FANCB: variants seen among roughly 807,000 people sequenced by gnomAD.
The protein encoded by FANCB is Fanconi anemia group B protein.
A neutral mutation model predicts 38.9 loss-of-function variants in FANCB; 5 were observed. The ratio of observed to expected loss-of-function variants is 0.13; its 90% CI spans 0.07 to 0.27. FANCB has a LOEUF of 0.27. Ranked by LOEUF, FANCB falls within the 10% of genes least tolerant of loss-of-function variation. The pLI, the probability that FANCB is intolerant of heterozygous loss-of-function variation, is 1.00. For missense variants in FANCB, 573 were observed against 602.7 expected, an observed-to-expected ratio of 0.95 and a Z score of 0.52; for synonymous variants, 236 against 215.4, an observed-to-expected ratio of 1.10 and a Z score of -0.84.
chrX:14,855,124 G>A (rs2092418305), intron 5 of FANCB, among the ~76,000 whole-genome samples: 1 of 111,542 alleles, frequency 9.0e-6, no homozygotes, highest in African/African-American at 3.3e-5. Flanking sequence ...GTTGTGCAGT[G>A]TTATAAACAA....
chrX:14,791,543 C>T, the FANCB span, among the ~76,000 whole-genome samples: 1 of 112,041 alleles, frequency 8.9e-6, no homozygotes, highest in South Asian at 3.7e-4. Context: ...CAAACTAATA[C>T]AGACACTGCT....
chrX:14,748,714 T>C, the FANCB span, among the ~76,000 whole-genome samples: 10 of 111,078 alleles, frequency 9.0e-5, no homozygotes, highest in Non-Finnish European at 1.9e-4. Context: ...CCCATCACTT[T>C]AAATCAAGGC....
the FANCB span, among the ~76,000 whole-genome samples, chrX:14,740,572 C>T: frequency 8.9e-6 from 1 of 111,788 alleles, no homozygotes; most frequent in Non-Finnish European, 1.9e-5. Context: ...TTAGGCTTCA[C>T]AAGCCATACC....
the FANCB span, among the ~76,000 whole-genome samples, chrX:14,830,382 C>T: frequency 9.0e-6 from 1 of 111,055 alleles, no homozygotes; most frequent in Non-Finnish European, 1.9e-5. Flanking sequence ...GGTTGTGGAG[C>T]TTTCAATTTG....
Position 14,859,340 on chromosome X carries a change from A to G in FANCB, c.952-6T>C. ...TTTTCCCATTTAGCAGCAACCTAAA[A>G]GAAAGGGAGCATTATAGGAGGAGTA... is the stretch of plus-strand genomic sequence containing the variant. On this transcript the variant is annotated splice_polypyrimidine_tract_variant and splice_region_variant and intron_variant, in intron 3 of 9. Coordinates refer to ENST00000650831, the MANE Select transcript of FANCB (RefSeq NM_001018113.3). 8.5e-7 allele frequency: 1 copy of G among 1,170,235 alleles called. No homozygotes were observed. Among genetic ancestry groups the G allele is most frequent in the Non-Finnish European group, 1.2e-6 (1 of 858,435 alleles).
At chrX:14,803,919 C>G in the FANCB span, among the ~76,000 whole-genome samples, 1 of 111,579 alleles carries the variant, frequency 9.0e-6, no homozygotes, top group East Asian at 2.8e-4. Context: ...AAATGCAAAT[C>G]AAAACCACAA....
At chrX:14,823,726 T>C in the FANCB span, among the ~76,000 whole-genome samples, 3 of 112,087 alleles carry the variant, frequency 2.7e-5, no homozygotes, top group Non-Finnish European at 5.6e-5. Flanking sequence ...TAAGATATAG[T>C]TTGATAATTT....
the FANCB span, among the ~76,000 whole-genome samples, chrX:14,740,976 GCA>G: frequency 1.8e-5 from 2 of 108,700 alleles, no homozygotes; most frequent in African/African-American, 6.7e-5. Flanking sequence ...ACACACACAC[GCA>G]CACACACACA....
At chrX:14,739,257 G>A in the FANCB span, among the ~76,000 whole-genome samples, 1 of 111,545 alleles carries the variant, frequency 9.0e-6, no homozygotes, top group Non-Finnish European at 1.9e-5. Context: ...CATGTTTAAT[G>A]CCTATGACAG....
chrX:14,763,265 T>A, the FANCB span, among the ~76,000 whole-genome samples: 1 of 111,983 alleles, frequency 8.9e-6, no homozygotes, highest in Non-Finnish European at 1.9e-5. Flanking sequence ...TAGTCCCAAA[T>A]GGGAAACAAT....
chrX:14,842,759 TA>T (rs1415472453), downstream of FANCB, among the ~76,000 whole-genome samples: 2 of 112,139 alleles, frequency 1.8e-5, no homozygotes, highest in Non-Finnish European at 3.8e-5. Flanking sequence ...TCAGATAGCT[TA>T]AAAGCGTTTT....
downstream of FANCB, chrX:14,834,814 A>G (rs2952100): frequency 0.43 from 236,022 of 552,659 alleles, 35,082 homozygotes; most frequent in East Asian, 0.83. Flanking sequence ...TCATCATCAA[A>G]ATCATCATCA....
chrX:14,812,342 C>G, the FANCB span, among the ~76,000 whole-genome samples: 1 of 109,109 alleles, frequency 9.2e-6, no homozygotes. Flanking sequence ...AATAGAGACA[C>G]AAAAAACCCT....
chrX:14,704,702 C>T, the FANCB span, among the ~76,000 whole-genome samples: 826 of 111,561 alleles, frequency 7.4e-3, 9 homozygotes, highest in African/African-American at 0.024. Context: ...TAAAAGGAAA[C>T]GACCCCTGCC....
rs986065964 is a variant in FANCB at position 14,863,874 on chromosome X, C to G, written c.951+686G>C. On this transcript the variant is annotated intron_variant, in intron 3 of 9. Transcript: ENST00000650831. ...AGTTGGCCGGGCATGGTGACTCACG[C>G]CTGTAATCCCAGCACTTTGGGAGGC... Among the ~76,000 whole-genome samples the G allele has an allele frequency of 4.5e-5, 5 of 112,162 alleles. No individual in the cohort carries two copies. The South Asian group carries it at 1.5e-3, about 33-fold the overall frequency.
the FANCB span, among the ~76,000 whole-genome samples, chrX:14,710,686 T>C: frequency 8.9e-6 from 1 of 111,885 alleles, no homozygotes; most frequent in Middle Eastern, 4.7e-3. Context: ...AGAACAGGGT[T>C]TCTCAAAACT....
At chrX:14,725,602 ACT>A in the FANCB span, among the ~76,000 whole-genome samples, 1 of 111,427 alleles carries the variant, frequency 9.0e-6, no homozygotes, top group South Asian at 3.7e-4. Context: ...ACAAATATAG[ACT>A]CTGCTAAAAT....
downstream of FANCB, among the ~76,000 whole-genome samples, chrX:14,833,249 ATTTATCCATT>A (rs199498436): frequency 0.026 from 2,901 of 112,321 alleles, 249 homozygotes; most frequent in East Asian, 0.42. Flanking sequence ...ATTACCTTGT[ATTTATCCATT>A]GAAAGAACAC....
At chrX:14,815,784 G>C in the FANCB span, among the ~76,000 whole-genome samples, 1 of 111,823 alleles carries the variant, frequency 8.9e-6, no homozygotes, top group Admixed American at 9.5e-5. Context: ...CAGATGACTG[G>C]ATAAAGAAAA....
Sources: gnomAD v4.1 joint callset for allele counts (sites outside exome capture counted in the v4.1 genomes callset) on GRCh38, gnomAD v4.1.1 for gene constraint, MANE v1.5 for transcripts, NCBI Gene and HGNC (gene_info 2026-07-23, HGNC 2026-07-21) for gene names.